BANK1: variants seen among roughly 807,000 people sequenced by gnomAD.
BANK1 encodes the protein B-cell scaffold protein with ankyrin repeats.
Under a neutral mutation model 94.5 loss-of-function variants are expected in BANK1, and 95 were observed. The observed-to-expected ratio is 1.00, with a 90% CI of 0.85 to 1.19. The LOEUF (loss-of-function observed/expected upper bound fraction) is 1.19, where lower values mean the gene tolerates loss of function less well. Ranked by LOEUF, BANK1 falls within the 50% of genes most tolerant of loss-of-function variation. The pLI, the probability that BANK1 is intolerant of heterozygous loss-of-function variation, is 0.00. For synonymous variants in BANK1, 334 were observed against 308.4 expected (o/e 1.08, Z -0.87); for missense variants, 987 against 932.2 (o/e 1.06, Z -0.77).
chr4:101,959,832 T>C (rs1469871631), intron 7 of BANK1, among the ~76,000 whole-genome samples: 2 of 152,198 alleles, frequency 1.3e-5, no homozygotes, highest in Admixed American at 6.5e-5. Flanking sequence ...CTATATAATT[T>C]TTTTAAAAAA....
At chr4:101,795,530 G>A (rs1725126069) in intron 1 of BANK1, among the ~76,000 whole-genome samples, 1 of 151,910 alleles carries the variant, frequency 6.6e-6, no homozygotes, top group Non-Finnish European at 1.5e-5. Context: ...GAATCTCTAA[G>A]GTTACACATT....
chr4:101,957,143 G>A (rs539714833), intron 7 of BANK1, among the ~76,000 whole-genome samples: 1 of 152,152 alleles, frequency 6.6e-6, no homozygotes, highest in Admixed American at 6.5e-5. Context: ...TTTAGTTAAC[G>A]CAAGAAATGC....
chr4:101,915,399 A>T (rs1053515860), intron 6 of BANK1, among the ~76,000 whole-genome samples: 5 of 152,160 alleles, frequency 3.3e-5, no homozygotes, highest in African/African-American at 1.2e-4. Context: ...TTGGTATTTA[A>T]GTAATAAAAG....
At chr4:102,007,136 A>AT (rs1172432805) in intron 7 of BANK1, among the ~76,000 whole-genome samples, 2 of 39,240 alleles carry the variant, frequency 5.1e-5, no homozygotes, top group Non-Finnish European at 5.0e-5. Flanking sequence ...ATATATATAA[A>AT]AAATATATTT....
At chr4:102,073,256 A>G (rs920956724) in intron 15 of BANK1, among the ~76,000 whole-genome samples, 2 of 150,066 alleles carry the variant, frequency 1.3e-5, no homozygotes, top group African/African-American at 4.9e-5. Context: ...TATATACACT[A>G]TATAATATAT....
chr4:101,897,816 C>T (rs1043825154), intron 6 of BANK1, among the ~76,000 whole-genome samples: 2 of 151,860 alleles, frequency 1.3e-5, no homozygotes, highest in African/African-American at 4.8e-5. Context: ...CTAATTGCTT[C>T]AATGTATTAT....
chr4:102,069,375 G>A (rs1728687534), intron 13 of BANK1, among the ~76,000 whole-genome samples: 2 of 152,160 alleles, frequency 1.3e-5, no homozygotes, highest in Non-Finnish European at 2.9e-5. Flanking sequence ...CATGTGAAAA[G>A]ATGCTCAATA....
chr4:101,836,091 A>G (rs1470353888), intron 2 of BANK1, among the ~76,000 whole-genome samples: 1 of 152,084 alleles, frequency 6.6e-6, no homozygotes, highest in Non-Finnish European at 1.5e-5. Context: ...ATTATTGCAT[A>G]CTTATGACTC....
At chr4:101,889,645 T>C (rs1721777327) in intron 5 of BANK1, among the ~76,000 whole-genome samples, 1 of 149,814 alleles carries the variant, frequency 6.7e-6, no homozygotes, top group South Asian at 2.1e-4. Context: ...CTTGTTACTA[T>C]AGTTTTTCTT....
At chr4:101,924,116 T>C (rs1379599965) in intron 7 of BANK1, among the ~76,000 whole-genome samples, 4 of 151,806 alleles carry the variant, frequency 2.6e-5, no homozygotes, top group African/African-American at 9.7e-5. Context: ...TAGAAAAATC[T>C]GTAAAAATAA....
At chr4:102,010,138 G>T (rs538933448) in intron 7 of BANK1, among the ~76,000 whole-genome samples, 2 of 151,578 alleles carry the variant, frequency 1.3e-5, no homozygotes, top group African/African-American at 4.8e-5. Context: ...GGTGGCGGGC[G>T]CCTGTAGTCC....
intron 3 of BANK1, among the ~76,000 whole-genome samples, chr4:101,860,233 C>T (rs1427854018): frequency 3.3e-5 from 5 of 152,156 alleles, no homozygotes; most frequent in Non-Finnish European, 7.3e-5. Context: ...AAGGTAATTA[C>T]AGCAGAATAT....
chr4:101,862,807 T>C (rs1578364025), intron 4 of BANK1, 143 bp downstream of exon 4: 1 of 851,486 alleles, frequency 1.2e-6, no homozygotes, highest in Non-Finnish European at 1.7e-6. Flanking sequence ...ATACCCAAGG[T>C]TGTTATTATT....
At chr4:102,024,533 A>G (rs1727014695) in intron 8 of BANK1, among the ~76,000 whole-genome samples, 1 of 152,074 alleles carries the variant, frequency 6.6e-6, no homozygotes, top group South Asian at 2.1e-4. Context: ...GAGTAGAGGG[A>G]ATTTGGATCA....
In BANK1 at chr4:102,030,033, T is replaced by G. The variant is rs752490942; in HGVS notation, c.1668T>G (p.Asp556Glu). The G allele has an allele frequency of 6.2e-7, 1 of 1,613,384 alleles. No homozygotes were observed. Among genetic ancestry groups the G allele is most frequent in the Admixed American group, 1.7e-5 (1 of 59,936 alleles). ...GHPGVRQETG[D>E]EPKGEKEKKE... The stretch of plus-strand genomic sequence containing the variant: ...CTGGTGTTAGACAAGAAACAGGAGA[T>G]GAACCCAAAGGAGAAAAAGAGAAGA... Residue 556 changes from aspartate (D) to glutamate (E), a missense_variant, in exon 10 of 17, where the codon GAT becomes GAG. Asp to Glu is a conservative substitution (Grantham distance 45). Coordinates refer to ENST00000322953, the MANE Select transcript of BANK1 (RefSeq NM_017935.5).
rs940079563 is a variant in BANK1 at position 101,830,242 on chromosome 4, T to TA, written c.469+36_469+37insA. On this transcript the variant is annotated intron_variant, in intron 2 of 16. Coordinates refer to ENST00000322953, the MANE Select transcript of BANK1 (RefSeq NM_017935.5). ...CAAACCTTGTTTGTTTTATTTTTATTTGTTTTTTTTTTTTTGTAATTAAAG... is the reference window on the plus strand; with the variant it reads ...CAAACCTTGTTTGTTTTATTTTTATTATGTTTTTTTTTTTTTGTAATTAAAG... The TA allele has an allele frequency of 4.4e-6, 6 of 1,364,412 alleles. No homozygotes were observed. The African/African-American group carries it at 6.4e-5, about 14-fold the overall frequency. 84.5% of individuals were successfully genotyped at this position (1,364,412 alleles called of 1,614,324 possible). A position where few individuals can be genotyped will look rare whatever the true frequency, so the allele number is the denominator to read the frequency against.
At chr4:101,965,314 A>G (rs1448096114) in intron 7 of BANK1, among the ~76,000 whole-genome samples, 3 of 148,228 alleles carry the variant, frequency 2.0e-5, no homozygotes, top group African/African-American at 5.0e-5. Context: ...CCATTGCAAT[A>G]TGTCTGCATT....
intron 1 of BANK1, among the ~76,000 whole-genome samples, chr4:101,822,174 G>A (rs543922021): frequency 1.3e-5 from 2 of 152,026 alleles, no homozygotes; most frequent in Admixed American, 1.3e-4. Context: ...GGTCAACATG[G>A]GGAAACCCTG....
At chr4:101,968,668 T>C (rs557462802) in intron 7 of BANK1, among the ~76,000 whole-genome samples, 22 of 151,872 alleles carry the variant, frequency 1.4e-4, no homozygotes, top group African/African-American at 5.3e-4. Flanking sequence ...ATGAGGCCAA[T>C]TGAAATGTGA....
Sources: gnomAD v4.1 joint callset for allele counts (sites outside exome capture counted in the v4.1 genomes callset) on GRCh38, gnomAD v4.1.1 for gene constraint, MANE v1.5 for transcripts, NCBI Gene and HGNC (gene_info 2026-07-23, HGNC 2026-07-21) for gene names.